Variants in ROBO2 observed in about 807,000 individuals in gnomAD.
ROBO2 encodes the protein roundabout guidance receptor 2.
Under a neutral mutation model 160.8 loss-of-function variants are expected in ROBO2, and 53 were observed. The ratio of observed to expected loss-of-function variants is 0.33; its 90% CI spans 0.26 to 0.41. The LOEUF (loss-of-function observed/expected upper bound fraction) is 0.41. Ranked by LOEUF, ROBO2 falls within the 10% of genes least tolerant of loss-of-function variation. The probability of loss-of-function intolerance (pLI) is 1.00; values close to 1 mark genes in which losing one functional copy is unlikely to be tolerated. For synonymous variants in ROBO2, 664 were observed against 611.7 expected (o/e 1.09, Z -1.26); for missense variants, 1,577 against 1,722.4 (o/e 0.92, Z 1.49).
chr3:76,835,657 T>C lies in ROBO2; in HGVS notation c.110-262357T>C, dbSNP rs181230448. ...TTTGCATTTTGCATATTAGTTTTCA[T>C]TTATTCTAAACTATATTAAATTCAG... On this transcript the variant is annotated intron_variant, in intron 2 of 26. Coordinates refer to the ROBO2 transcript ENST00000487694. Among the ~76,000 whole-genome samples the C allele has an allele frequency of 3.4e-3, 516 of 151,976 alleles. 3 individuals are homozygous for C. Among genetic ancestry groups the C allele is most frequent in the South Asian group, 0.013 (63 of 4,828 alleles).
intron 2 of ROBO2, among the ~76,000 whole-genome samples, chr3:76,716,448 T>TA (rs1309657292): frequency 2.0e-5 from 3 of 152,208 alleles, no homozygotes. Flanking sequence ...ATTTGGCTAT[T>TA]AAAAAATCTC....
chr3:76,477,713 TC>T (rs2079001150), intron 2 of ROBO2, among the ~76,000 whole-genome samples: 1 of 152,066 alleles, frequency 6.6e-6, no homozygotes, highest in Admixed American at 6.6e-5. Flanking sequence ...TCTTCAAACT[TC>T]CAGACTCTCA....
At chr3:77,442,109 G>A (rs1318161856) in intron 2 of ROBO2, among the ~76,000 whole-genome samples, 1 of 152,048 alleles carries the variant, frequency 6.6e-6, no homozygotes, top group Non-Finnish European at 1.5e-5. Flanking sequence ...TCAGGAAATC[G>A]AGACCATCCT....
Position 76,567,037 on chromosome 3 carries a change from A to G in ROBO2, c.110-530977A>G, listed in dbSNP as rs147332541. On this transcript the variant is annotated intron_variant, in intron 2 of 26. Transcript: ENST00000487694. ...AAAGTCTAAATCAGCTACCTTTAGGAGAATATATTAAACTAATTAGTCTTA... is the reference window on the plus strand; with the variant it reads ...AAAGTCTAAATCAGCTACCTTTAGGGGAATATATTAAACTAATTAGTCTTA... Among the ~76,000 whole-genome samples the G allele has an allele frequency of 3.3e-5, 5 of 152,324 alleles. No homozygotes were observed. In the East Asian group the frequency reaches 9.7e-4, roughly 29 times the overall value.
intron 2 of ROBO2, among the ~76,000 whole-genome samples, chr3:77,236,432 G>C (rs1199395381): frequency 6.6e-6 from 1 of 152,132 alleles, no homozygotes; most frequent in Non-Finnish European, 1.5e-5. Context: ...AAGAGAGGAG[G>C]GAATGATGAC....
intron 4 of ROBO2, among the ~76,000 whole-genome samples, chr3:77,490,691 C>T (rs2085994377): frequency 6.6e-6 from 1 of 152,066 alleles, no homozygotes; most frequent in Non-Finnish European, 1.5e-5. Flanking sequence ...CACACAAACT[C>T]ACACACACAT....
At chr3:77,539,389 T>C (rs987972977) in intron 6 of ROBO2, among the ~76,000 whole-genome samples, 16 of 152,204 alleles carry the variant, frequency 1.1e-4, no homozygotes, top group Non-Finnish European at 1.9e-4. Flanking sequence ...GTTAGATTTG[T>C]ATTCAGGTAA....
At chr3:76,456,695 A>T (rs575336426) in intron 2 of ROBO2, among the ~76,000 whole-genome samples, 1 of 152,154 alleles carries the variant, frequency 6.6e-6, no homozygotes, top group Non-Finnish European at 1.5e-5. Context: ...GACCAATTTG[A>T]ATAGCCTTTG....
intron 2 of ROBO2, among the ~76,000 whole-genome samples, chr3:76,800,790 C>T (rs1560585499): frequency 6.6e-6 from 1 of 152,226 alleles, no homozygotes; most frequent in East Asian, 1.9e-4. Context: ...TAAATTAGTA[C>T]AGCCACTGCG....
intron 2 of ROBO2, among the ~76,000 whole-genome samples, chr3:77,407,401 A>G (rs2076341403): frequency 6.6e-6 from 1 of 152,194 alleles, no homozygotes; most frequent in Non-Finnish European, 1.5e-5. Context: ...CAATTTACTG[A>G]CACATTGCCT....
intron 2 of ROBO2, among the ~76,000 whole-genome samples, chr3:76,250,493 T>TCGTTTTG (rs1486708466): frequency 1.3e-5 from 2 of 152,086 alleles, no homozygotes; most frequent in Non-Finnish European, 2.9e-5. Context: ...AAGTAGTTAA[T>TCGTTTTG]CGTTTTGCGT....
intron 2 of ROBO2, among the ~76,000 whole-genome samples, chr3:76,138,369 A>G (rs928652095): frequency 6.6e-6 from 1 of 152,030 alleles, no homozygotes; most frequent in African/African-American, 2.4e-5. Flanking sequence ...GTAAATCTAT[A>G]TTGTATCGAT....
At chr3:77,598,527 G>GTATATATATATATATA (rs3073098) in intron 19 of ROBO2, among the ~76,000 whole-genome samples, 177 of 139,976 alleles carry the variant, frequency 1.3e-3, no homozygotes, top group African/African-American at 4.5e-3. Context: ...ATATATATGT[G>GTATATATATATATATA]TATATATATA....
chr3:77,511,340 G>A (rs2089370404), intron 5 of ROBO2, among the ~76,000 whole-genome samples: 1 of 151,940 alleles, frequency 6.6e-6, no homozygotes, highest in Non-Finnish European at 1.5e-5. Flanking sequence ...ATGCTTTGAT[G>A]TCTGAAAGAG....
chr3:76,246,488 A>T (rs1432265117), intron 2 of ROBO2, among the ~76,000 whole-genome samples: 1 of 152,132 alleles, frequency 6.6e-6, no homozygotes, highest in Non-Finnish European at 1.5e-5. Context: ...TTTTTCCTGC[A>T]TTTTTGTTAA....
intron 1 of ROBO2, among the ~76,000 whole-genome samples, chr3:75,928,670 T>G (rs529962388): frequency 1.1e-4 from 16 of 152,372 alleles, no homozygotes; most frequent in Non-Finnish European, 1.8e-4. Context: ...TTTCCAAGAA[T>G]GCTTGTTCCA....
rs79578613 is a variant in ROBO2 at position 77,137,038 on chromosome 3, C to A, written c.388+38698C>A. Among the ~76,000 whole-genome samples, 5 of 152,204 alleles carry A rather than the reference C, an allele frequency of 3.3e-5. No individual in the cohort carries two copies. In the East Asian group the frequency reaches 9.7e-4, roughly 29 times the overall value. ...ACCTCAAGCAGTCCTCCCACTTTGG[C>A]CTCCCAGAGTGCTGGGATTGCGGGT... On this transcript the variant is annotated intron_variant, in intron 2 of 25. Transcript: ENST00000461745.
intron 2 of ROBO2, among the ~76,000 whole-genome samples, chr3:76,745,821 T>G (rs1322056556): frequency 6.7e-6 from 1 of 149,200 alleles, no homozygotes; most frequent in African/African-American, 2.4e-5. Context: ...ATTTATTTAT[T>G]TATTTATTTA....
At chr3:77,603,002 T>C in intron 20 of ROBO2, 1 of 456,724 alleles carries the variant, frequency 2.2e-6, no homozygotes, top group South Asian at 1.5e-5. Flanking sequence ...ACAACCAGTC[T>C]CAGGATTTCA....
Sources: gnomAD v4.1 joint callset for allele counts (sites outside exome capture counted in the v4.1 genomes callset) on GRCh38, gnomAD v4.1.1 for gene constraint, MANE v1.5 for transcripts, NCBI Gene and HGNC (gene_info 2026-07-23, HGNC 2026-07-21) for gene names.